The following ZGPAT variants were observed in gnomAD, a reference collection of about 807,000 sequenced individuals.
ZGPAT encodes the protein zinc finger CCCH-type with G patch domain-containing protein.
A neutral mutation model predicts 47.9 loss-of-function variants in ZGPAT; 39 were observed. The ratio of observed to expected loss-of-function variants is 0.81; its 90% confidence interval spans 0.63 to 1.06. The LOEUF (loss-of-function observed/expected upper bound fraction) is 1.06. Among genes scored for constraint, ZGPAT ranks in the 50% least tolerant of loss-of-function variants. The pLI is 0.00. For synonymous variants in ZGPAT, 348 were observed against 292.9 expected, an observed-to-expected ratio of 1.19 and a Z score of -1.92; for missense variants, 717 against 681.4, an observed-to-expected ratio of 1.05 and a Z score of -0.58.
intron 2 of ZGPAT, among the ~76,000 whole-genome samples, chr20:63,730,781 C>T (rs2091889756): frequency 6.6e-6 from 1 of 152,140 alleles, no homozygotes; most frequent in South Asian, 2.1e-4. Context: ...TGCACCTGGC[C>T]CCTCAGTTGC....
At chr20:63,721,630 T>C (rs991943335) in intron 2 of ZGPAT, among the ~76,000 whole-genome samples, 3 of 152,310 alleles carry the variant, frequency 2.0e-5, no homozygotes, top group Non-Finnish European at 4.4e-5. Flanking sequence ...CATGTAGCTC[T>C]TTTCCCAGCC....
In ZGPAT at chr20:63,726,204, A is replaced by ATTT. The variant is rs35108552; in HGVS notation, c.585-7005_585-7003dup. On this transcript the variant is annotated intron_variant, in intron 2 of 6. Transcript: ENST00000355969. ...ATCTGCCGTTGAGTACATCTAATTA[A>ATTT]TTTTTTTTTTTTGAGTCGGAGTCTC... Among the ~76,000 whole-genome samples, 937 of 146,170 alleles carry ATTT rather than the reference A, an allele frequency of 6.4e-3. 15 individuals are homozygous for ATTT. The highest frequency in any genetic ancestry group is 0.041 in the South Asian group (193 of 4,656).
chr20:63,708,868 C>T lies in ZGPAT; in HGVS notation c.288C>T (p.Ala96=). Residue 96 remains alanine (A), a synonymous_variant, in exon 2 of 7, where the codon GCC becomes GCT. Transcript: ENST00000355969. ...ITEAVEAPAA[A]RGSGSETVPK... ...AGGCGGTGGAGGCACCAGCAGCGGCCCGTGGGTCCGGATCAGAGACCGTTC... is the reference window on the plus strand; with the variant it reads ...AGGCGGTGGAGGCACCAGCAGCGGCTCGTGGGTCCGGATCAGAGACCGTTC... 1.2e-6 allele frequency: 2 copies of T among 1,609,360 alleles called. No individual in the cohort carries two copies. Among genetic ancestry groups the T allele is most frequent in the Non-Finnish European group, 8.5e-7 (1 of 1,177,774 alleles).
chr20:63,733,110 G>A (rs1488481095), intron 2 of ZGPAT, 109 bp from the exon 3 acceptor site: 1 of 1,437,750 alleles, frequency 7.0e-7, no homozygotes, highest in Non-Finnish European at 9.4e-7. Flanking sequence ...GCACGCGTGT[G>A]TGTCTGTCTC....
chr20:63,709,090 G>A lies in ZGPAT; in HGVS notation c.510G>A (p.Leu170=), dbSNP rs373524399. 1.2e-4 allele frequency: 192 copies of A among 1,613,154 alleles called. No homozygotes were observed. The highest frequency in any genetic ancestry group is 1.2e-3 in the Middle Eastern group (7 of 6,084). The change falls in exon 2 of 7, where the codon CTG becomes CTA. Residue 170 remains leucine (L), a synonymous_variant. Transcript: ENST00000355969. ...CGGCGGGTGTCCGTGTGCTTTACCT[G>A]TACCCCACTCACAAGTCTCTGAAGC... The part of the protein sequence containing the change: ...DGSAGVRVLY[L]YPTHKSLKPC...
At chr20:63,715,841 G>T (rs62217815) in intron 2 of ZGPAT, among the ~76,000 whole-genome samples, 60,019 of 151,248 alleles carry the variant, frequency 0.4, 12,428 homozygotes, top group African/African-American at 0.51. Context: ...TATAGAGAGA[G>T]AGAGAGAGAG....
intron 2 of ZGPAT, among the ~76,000 whole-genome samples, chr20:63,725,839 T>A (rs1276721165): frequency 6.6e-6 from 1 of 151,676 alleles, no homozygotes; most frequent in Non-Finnish European, 1.5e-5. Context: ...TTATTTATTT[T>A]TTAATTTTTT....
rs750848676 is a variant in ZGPAT at position 63,708,702 on chromosome 20, G to A, written c.122G>A (p.Gly41Glu). Residue 41 changes from glycine (G) to glutamate (E), a missense_variant, in exon 2 of 7, where the codon GGG (glycine) becomes GAG (glutamate). Transcript: ENST00000355969. ...CAGGCTGACCTGCGCCAGCTGCAGGGGGACCTGAAGGAGCTCATCGAGCTC... is the reference window on the plus strand; with the variant it reads ...CAGGCTGACCTGCGCCAGCTGCAGGAGGACCTGAAGGAGCTCATCGAGCTC... ...SEQADLRQLQ[G>E]DLKELIELTE... The A allele has an allele frequency of 2.5e-6, 4 of 1,612,686 alleles. No homozygotes were observed. Among genetic ancestry groups the A allele is most frequent in the African/African-American group, 2.7e-5 (2 of 74,942 alleles).
chr20:63,708,994 C>T lies in ZGPAT; in HGVS notation c.414C>T (p.Tyr138=). The T allele has an allele frequency of 6.2e-7, 1 of 1,613,628 alleles. No homozygotes were observed. Among genetic ancestry groups the T allele is most frequent in the South Asian group, 1.1e-5 (1 of 91,078 alleles). ...GTGGGACAAAGGTGAGCGCGCCCTA[C>T]TACAGCTCCTGGGGCACTCTGGAGT... ...ELSGTKVSAP[Y]YSSWGTLEYH... is the part of the protein sequence containing the mutation. The change falls in exon 2 of 7, where the codon TAC becomes TAT. Residue 138 remains tyrosine, a synonymous_variant. Coordinates refer to ENST00000355969, the MANE Select transcript of ZGPAT (RefSeq NM_181485.3).
At chr20:63,735,590 A>G in intron 6 of ZGPAT, 26 bp downstream of exon 6, 1 of 1,511,190 alleles carries the variant, frequency 6.6e-7, no homozygotes, top group Non-Finnish European at 8.8e-7. Flanking sequence ...AGCTCAGGGC[A>G]AAGGGCGACC....
intron 4 of ZGPAT, 98 bp downstream of exon 4, chr20:63,733,837 G>T (rs779405195): frequency 1.4e-5 from 21 of 1,493,744 alleles, no homozygotes; most frequent in Middle Eastern, 2.3e-4. Context: ...CAAACTATTG[G>T]AGAGTGTGTG....
chr20:63,732,313 GA>G (rs944930834), intron 2 of ZGPAT, among the ~76,000 whole-genome samples: 2 of 89,398 alleles, frequency 2.2e-5, no homozygotes, highest in South Asian at 3.4e-4. Flanking sequence ...GTGTGTGGGT[GA>G]GGGGGCATGT....
chr20:63,719,065 C>CG (rs2091761122), intron 2 of ZGPAT, among the ~76,000 whole-genome samples: 1 of 146,510 alleles, frequency 6.8e-6, no homozygotes, highest in Admixed American at 6.8e-5. Context: ...GACTCCATCT[C>CG]AAAAAAAAAA....
chr20:63,709,340 A>G (rs6011043), intron 2 of ZGPAT, among the ~76,000 whole-genome samples, 176 bp downstream of exon 2: 1 of 152,140 alleles, frequency 6.6e-6, no homozygotes, highest in African/African-American at 2.4e-5. Context: ...GGGGTGAATC[A>G]AGAAGCATGG....
chr20:63,735,687 A>G, intron 6 of ZGPAT, 94 bp from the exon 7 acceptor site: 1 of 1,529,058 alleles, frequency 6.5e-7, no homozygotes, highest in East Asian at 2.4e-5. Context: ...TGCATGTTGG[A>G]GGACGGGCAG....
At chr20:63,712,811 G>T (rs370165014) in intron 2 of ZGPAT, among the ~76,000 whole-genome samples, 1 of 152,052 alleles carries the variant, frequency 6.6e-6, no homozygotes, top group Non-Finnish European at 1.5e-5. Context: ...CAGGAGAATC[G>T]CTTGAACCTG....
rs2091844478 is a variant in ZGPAT, at chr20:63,726,242, AGGCT to A, written c.585-6974_585-6971del. Among the ~76,000 whole-genome samples the A allele has an allele frequency of 2.7e-5, 4 of 146,058 alleles. No homozygotes were observed. In the Admixed American group the frequency reaches 2.8e-4, roughly 10 times the overall value. On this transcript the variant is annotated intron_variant, in intron 2 of 6. Transcript: ENST00000355969. ...GAGTCGGAGTCTCACTGTGTCGCCC[AGGCT>A]GGAGTGCAATGGCGCGATCTTGGCT...
At chr20:63,726,110 A>G (rs2091842972) in intron 2 of ZGPAT, among the ~76,000 whole-genome samples, 1 of 151,876 alleles carries the variant, frequency 6.6e-6, no homozygotes, top group Non-Finnish European at 1.5e-5. Context: ...AAGTACTAGG[A>G]TTACAGTCGT....
In ZGPAT at chr20:63,733,184, T is replaced by C. The variant is rs1336917440; in HGVS notation, c.585-35T>C. 4 of 1,602,954 alleles carry C rather than the reference T, an allele frequency of 2.5e-6. No individual in the cohort carries two copies. In the South Asian group the frequency reaches 3.3e-5, roughly 13 times the overall value. ...GGGTTGGTTTGCCCCTGGTGGCCCATGTCTGAGCCCTGCCCCTTACGGCTC... is the reference window on the plus strand; with the variant it reads ...GGGTTGGTTTGCCCCTGGTGGCCCACGTCTGAGCCCTGCCCCTTACGGCTC... On this transcript the variant is annotated intron_variant, in intron 2 of 6. Transcript: ENST00000355969.
Sources: allele counts gnomAD v4.1 joint callset (sites outside exome capture counted in the v4.1 genomes callset), GRCh38; gene constraint gnomAD v4.1.1; transcripts MANE v1.5; gene names NCBI Gene and HGNC (gene_info 2026-07-23, HGNC 2026-07-21).